Variants in TAFA3 observed in about 807,000 individuals in gnomAD.
TAFA3 encodes TAFA chemokine like family member 3, also known as chemokine-like protein TAFA-3.
TAFA3 carries 17 observed loss-of-function variants against 20.7 expected under a neutral mutation model. That is an observed-to-expected ratio of 0.82 (90% CI 0.56 to 1.23). The LOEUF (loss-of-function observed/expected upper bound fraction) is 1.23, where lower values mean the gene tolerates loss of function less well. Among genes scored for constraint, TAFA3 ranks in the 50% most tolerant of loss-of-function variants. The pLI is 0.00. For synonymous variants in TAFA3, 74 were observed against 71.8 expected (o/e 1.03, Z -0.16); for missense variants, 174 against 172.8 (o/e 1.01, Z -0.04).
In TAFA3 at chr1:112,721,826, CT is replaced by C. The variant is rs899493075; in HGVS notation, c.-1-402del. Among the ~76,000 whole-genome samples the C allele has an allele frequency of 3.9e-5, 6 of 152,260 alleles. No homozygotes were observed. The East Asian group carries it at 1.2e-3, about 29-fold the overall frequency. ...GATGGTTGTTTAGGTTATGTCCTAG[CT>C]TTTTGAGCTTTGGTTTTCTCATCTG... On this transcript the variant is annotated intron_variant, in intron 2 of 5. Transcript: ENST00000361886.
In TAFA3 at chr1:112,723,185, C is replaced by A. The variant is rs1675372370; in HGVS notation, c.265+20C>A. ...TGGACGGTGAGTGAGAGGCCAGGAC[C>A]CGGGCAGGGCCCTGAGCAGAGCCAT... On this transcript the variant is annotated intron_variant, in intron 4 of 5. Transcript: ENST00000361886. 6.2e-7 allele frequency: 1 copy of A among 1,609,424 alleles called. No individual in the cohort carries two copies. Among genetic ancestry groups the A allele is most frequent in the Non-Finnish European group, 8.5e-7 (1 of 1,178,668 alleles).
chr1:112,726,291 G>A (rs369553202), intron 5 of TAFA3, among the ~76,000 whole-genome samples: 1 of 152,236 alleles, frequency 6.6e-6, no homozygotes, highest in Non-Finnish European at 1.5e-5. Context: ...CGGAGGCAGG[G>A]ATGAGGGACA....
At chr1:112,722,979 G>T in intron 3 of TAFA3, 37 bp from the exon 4 acceptor site, 2 of 1,581,498 alleles carry the variant, frequency 1.3e-6, no homozygotes, top group Non-Finnish European at 8.6e-7. Context: ...GCGGGGTCGG[G>T]CGTGTTGGGC....
chr1:112,725,172 A>C (rs1675437637), intron 5 of TAFA3, among the ~76,000 whole-genome samples: 1 of 152,172 alleles, frequency 6.6e-6, no homozygotes, highest in Non-Finnish European at 1.5e-5. Flanking sequence ...TGAGAGCTAA[A>C]CATTGGGTAC....
intron 5 of TAFA3, among the ~76,000 whole-genome samples, chr1:112,725,038 A>G (rs961935421): frequency 2.0e-5 from 3 of 152,234 alleles, no homozygotes; most frequent in Non-Finnish European, 2.9e-5. Flanking sequence ...CTTATATACC[A>G]TAGAATACTA....
Position 112,726,688 on chromosome 1 carries a change from A to G in TAFA3, c.*48A>G. ...CAAGAAAGGCTTGACTGAGCCGTGA[A>G]CTGAAGAATGGTATCCAGTCATCAG... is the stretch of plus-strand genomic sequence containing the variant. On this transcript the variant is annotated 3_prime_UTR_variant, in exon 6 of 6. Coordinates refer to ENST00000361886, the MANE Select transcript of TAFA3 (RefSeq NM_182759.3). 6.2e-7 allele frequency: 1 copy of G among 1,613,922 alleles called. No individual in the cohort carries two copies. The highest frequency in any genetic ancestry group is 8.5e-7 in the Non-Finnish European group (1 of 1,179,838).
At chr1:112,719,818 C>T (rs1031887005) in intron 1 of TAFA3, among the ~76,000 whole-genome samples, 3 of 152,098 alleles carry the variant, frequency 2.0e-5, no homozygotes, top group South Asian at 2.1e-4. Flanking sequence ...GGAAGCTCAG[C>T]CCAGGGAGCA....
intron 2 of TAFA3, among the ~76,000 whole-genome samples, chr1:112,721,868 T>C (rs571732344): frequency 1.3e-5 from 2 of 152,338 alleles, no homozygotes; most frequent in African/African-American, 4.8e-5. Context: ...CAGGTAATAA[T>C]AATGTTGCTT....
In TAFA3 at chr1:112,726,655, G is replaced by A. The variant is rs756003344; in HGVS notation, c.*15G>A. ...TCACACGATAGCTCTTGGGGGTCACGGCCTGGACAAGAAAGGCTTGACTGA... is the reference window on the plus strand; with the variant it reads ...TCACACGATAGCTCTTGGGGGTCACAGCCTGGACAAGAAAGGCTTGACTGA... On this transcript the variant is annotated 3_prime_UTR_variant, in exon 6 of 6. Transcript: ENST00000361886. 1.9e-5 allele frequency: 31 copies of A among 1,613,740 alleles called. No individual in the cohort carries two copies. The highest frequency in any genetic ancestry group is 1.6e-4 in the Middle Eastern group (1 of 6,078).
chr1:112,721,668 A>G (rs1415490079), intron 2 of TAFA3, among the ~76,000 whole-genome samples: 2 of 152,126 alleles, frequency 1.3e-5, no homozygotes, highest in Admixed American at 6.5e-5. Context: ...TTTCCCCCTT[A>G]ACAGTGGATT....
At chr1:112,724,956 A>G (rs1675433511) in intron 5 of TAFA3, among the ~76,000 whole-genome samples, 1 of 152,162 alleles carries the variant, frequency 6.6e-6, no homozygotes, top group Non-Finnish European at 1.5e-5. Context: ...TCAAAGCAGT[A>G]TTCATAATAG....
chr1:112,721,938 A>C (rs1364308593), intron 2 of TAFA3, among the ~76,000 whole-genome samples: 1 of 152,192 alleles, frequency 6.6e-6, no homozygotes, highest in African/African-American at 2.4e-5. Flanking sequence ...CCAAGCACTC[A>C]AAGAGTAGGA....
chr1:112,722,713 C>T (rs551964654), intron 3 of TAFA3, among the ~76,000 whole-genome samples: 2 of 152,294 alleles, frequency 1.3e-5, no homozygotes, highest in South Asian at 4.1e-4. Flanking sequence ...ATTGTAAGCC[C>T]TGGGGCCCTT....
At position 112,726,869 on chromosome 1, in the gene TAFA3, A is replaced by G. The variant is rs1287775395; in HGVS notation, c.*229A>G. 2.4e-5 allele frequency: 14 copies of G among 586,862 alleles called. No individual in the cohort carries two copies. The highest frequency in any genetic ancestry group is 6.6e-5 in the South Asian group (3 of 45,436). The allele number at this position is 586,862 out of a possible 1,614,324, so 36.4% of individuals were successfully genotyped here. ...TTTCTGGAGACACGAAGGTCAACACACAATTCCTGCCCTTAAGGAATGTCC... is the reference window on the plus strand; with the variant it reads ...TTTCTGGAGACACGAAGGTCAACACGCAATTCCTGCCCTTAAGGAATGTCC... On this transcript the variant is annotated 3_prime_UTR_variant, in exon 6 of 6. Coordinates refer to ENST00000361886, the MANE Select transcript of TAFA3 (RefSeq NM_182759.3).
intron 4 of TAFA3, 59 bp downstream of exon 4, chr1:112,723,224 C>G (rs1297562335): frequency 6.4e-7 from 1 of 1,553,480 alleles, no homozygotes; most frequent in African/African-American, 1.4e-5. Flanking sequence ...GAGGCCTGTT[C>G]AGGCCTCGCC....
chr1:112,721,907 T>C (rs1461606489), intron 2 of TAFA3, among the ~76,000 whole-genome samples: 1 of 152,134 alleles, frequency 6.6e-6, no homozygotes, highest in Non-Finnish European at 1.5e-5. Flanking sequence ...AATTCAAGAG[T>C]GTGCATGTGA....
intron 5 of TAFA3, among the ~76,000 whole-genome samples, chr1:112,724,435 C>T (rs534283734): frequency 8.8e-4 from 133 of 151,934 alleles, no homozygotes; most frequent in Middle Eastern, 3.4e-3. Flanking sequence ...AAACATAGTC[C>T]ATGGAATACT....
chr1:112,723,956 G>A lies in TAFA3; in HGVS notation c.266-57G>A, dbSNP rs781292669. The A allele has an allele frequency of 3.1e-6, 5 of 1,613,388 alleles. No homozygotes were observed. In the Admixed American group the frequency reaches 6.7e-5, roughly 22 times the overall value. ...CACCTCATTCGCAGACCTGCTCTTGGCTGCCCACTGTGCTCGTAGAGACCC... is the reference window on the plus strand; with the variant it reads ...CACCTCATTCGCAGACCTGCTCTTGACTGCCCACTGTGCTCGTAGAGACCC... On this transcript the variant is annotated intron_variant, in intron 4 of 5. Coordinates refer to ENST00000361886, the MANE Select transcript of TAFA3 (RefSeq NM_182759.3).
intron 5 of TAFA3, among the ~76,000 whole-genome samples, chr1:112,724,836 A>AAAAAAAAAAAC (rs1675428013): frequency 7.0e-6 from 1 of 142,698 alleles, no homozygotes; most frequent in African/African-American, 2.5e-5. Context: ...AAAAAAAAAA[A>AAAAAAAAAAAC]AAAAGAGCTT....
Sources: gnomAD v4.1 joint callset for allele counts (sites outside exome capture counted in the v4.1 genomes callset) on GRCh38, gnomAD v4.1.1 for gene constraint, MANE v1.5 for transcripts, NCBI Gene and HGNC (gene_info 2026-07-23, HGNC 2026-07-21) for gene names.